Variants in DOHH observed in about 807,000 individuals in gnomAD.
DOHH encodes the protein HEAT-like (PBS lyase) repeat containing 1.
Under a neutral mutation model 19.9 loss-of-function variants are expected in DOHH, and 16 were observed. That is an observed-to-expected ratio of 0.80 (90% CI 0.54 to 1.22). The LOEUF (loss-of-function observed/expected upper bound fraction) is 1.22. DOHH is among the 50% of genes most tolerant of loss of function. The pLI is 0.00. For missense variants in DOHH, 460 were observed against 460.6 expected, an observed-to-expected ratio of 1.00 and a Z score of 0.01; for synonymous variants, 233 against 217.0, an observed-to-expected ratio of 1.07 and a Z score of -0.65.
chr19:3,496,911 G>A lies in DOHH; in HGVS notation c.-72-25C>T. 2.2e-6 allele frequency: 3 copies of A among 1,363,428 alleles called. No homozygotes were observed. Among genetic ancestry groups the A allele is most frequent in the East Asian group, 2.6e-5 (1 of 38,206 alleles). The allele number at this position is 1,363,428 out of a possible 1,614,324, so 84.5% of individuals were successfully genotyped here. Reference sequence around the variant, plus strand: ...CCTGTGGCAGAAAAATGAGAGCCCAGGTTAGAAGCCCCCTTCACCAGTGCG... The same window carrying A: ...CCTGTGGCAGAAAAATGAGAGCCCAAGTTAGAAGCCCCCTTCACCAGTGCG... On this transcript the variant is annotated intron_variant, in intron 1 of 4. Transcript: ENST00000427575. The surrounding 1 kb of genome is among the most constrained non-coding windows in gnomAD (Gnocchi z 4.8).
chr19:3,496,987 C>T lies in DOHH; in HGVS notation c.-72-101G>A, dbSNP rs1180369166. ...GGCAAATTCCTACCCACTGACCAACCTGAGCATCTACGCTGAAAGCTCAGC... is the reference window on the plus strand; with the variant it reads ...GGCAAATTCCTACCCACTGACCAACTTGAGCATCTACGCTGAAAGCTCAGC... On this transcript the variant is annotated intron_variant, in intron 1 of 4. Transcript: ENST00000427575. The surrounding 1 kb of genome is among the most constrained non-coding windows in gnomAD (Gnocchi z 4.8). 8 of 776,382 alleles carry T rather than the reference C, an allele frequency of 1.0e-5. 1 individual carries two copies. The South Asian group carries it at 3.7e-4, about 35-fold the overall frequency. 48.1% of individuals were successfully genotyped at this position (776,382 alleles called of 1,614,324 possible).
chr19:3,492,085 C>T (rs1311626636), intron 4 of DOHH, among the ~76,000 whole-genome samples, 177 bp downstream of exon 4: 2 of 152,196 alleles, frequency 1.3e-5, no homozygotes, highest in East Asian at 3.9e-4. Flanking sequence ...AAGCTGGGAG[C>T]TATGGGGACC....
chr19:3,492,513 G>T lies in DOHH; in HGVS notation c.352-14C>A, dbSNP rs1428088218. On this transcript the variant is annotated splice_polypyrimidine_tract_variant and intron_variant, in intron 3 of 4. Transcript: ENST00000427575. ...GGTCTCGGCCACCTGCGGGGAGGGG[G>T]TATCAGGCAGCGGGTTGGCCCTGGG... The T allele has an allele frequency of 2.9e-6, 4 of 1,374,156 alleles. No homozygotes were observed. Among genetic ancestry groups the T allele is most frequent in the African/African-American group, 3.1e-5 (2 of 65,350 alleles). 85.1% of individuals were successfully genotyped at this position (1,374,156 alleles called of 1,614,324 possible). A position where few individuals can be genotyped will look rare whatever the true frequency, so the allele number is the denominator to read the frequency against.
At chr19:3,495,058 C>G (rs573342113) in intron 2 of DOHH, among the ~76,000 whole-genome samples, 26 of 152,212 alleles carry the variant, frequency 1.7e-4, no homozygotes, top group African/African-American at 5.3e-4. Flanking sequence ...CTGAAAACTC[C>G]GCCTCCTGGG....
In DOHH at chr19:3,491,172, GATCCTCCCCTGGCTTCCCTCGCA is replaced by G. The variant is rs1280778708; in HGVS notation, c.*297_*319del. The G allele has an allele frequency of 3.1e-4, 131 of 422,954 alleles. No individual in the cohort carries two copies. The highest frequency in any genetic ancestry group is 2.2e-3 in the African/African-American group (100 of 45,898). 26.2% of individuals were successfully genotyped at this position (422,954 alleles called of 1,614,324 possible). A position where few individuals can be genotyped will look rare whatever the true frequency, so the allele number is the denominator to read the frequency against. ...GCGATCCTCCCCTGGCTTCCCTCGC[GATCCTCCCCTGGCTTCCCTCGCA>G]ATCCTCCCCTGTCCTGAGCCGGGCA... On this transcript the variant is annotated 3_prime_UTR_variant, in exon 5 of 5. Transcript: ENST00000427575. This position sits in a 1 kb window ranked among gnomAD's most constrained non-coding sequence, Gnocchi z 5.6.
intron 3 of DOHH, among the ~76,000 whole-genome samples, chr19:3,493,299 C>A (rs1194599067): frequency 5.3e-5 from 8 of 150,934 alleles, no homozygotes. Flanking sequence ...AAAGAAAAAA[C>A]TAATAAAATA....
In DOHH at chr19:3,496,967, AT is replaced by A; in HGVS notation, c.-72-82del. The A allele has an allele frequency of 9.7e-7, 1 of 1,027,310 alleles. No homozygotes were observed. The allele number at this position is 1,027,310 out of a possible 1,614,324, so 63.6% of individuals were successfully genotyped here. A position where few individuals can be genotyped will look rare whatever the true frequency, so the allele number is the denominator to read the frequency against. On this transcript the variant is annotated intron_variant, in intron 1 of 4. Coordinates refer to ENST00000427575, the MANE Select transcript of DOHH (RefSeq NM_001145165.2). This position sits in a 1 kb window ranked among gnomAD's most constrained non-coding sequence, Gnocchi z 4.8. Reference sequence around the variant, plus strand: ...TGTTCCTAGGACCTGGGTGGGGCAAATTCCTACCCACTGACCAACCTGAGCA... The same window carrying A: ...TGTTCCTAGGACCTGGGTGGGGCAAATCCTACCCACTGACCAACCTGAGCA...
chr19:3,492,405 G>C lies in DOHH; in HGVS notation c.446C>G (p.Pro149Arg), dbSNP rs778757736. Reference sequence around the variant, plus strand: ...GTCACGCTCCTCAGCCGGCGGGGCAGGGTCCACGGAGAGGTAGGGTCCCGC... The same window carrying C: ...GTCACGCTCCTCAGCCGGCGGGGCACGGTCCACGGAGAGGTAGGGTCCCGC... ...PAAGPYLSVD[P>R]APPAEERDVG... Residue 149 changes from proline (P) to arginine (R), a missense_variant, in exon 4 of 5, where the codon CCT (proline) becomes CGT (arginine). Pro to Arg is a moderately radical substitution (Grantham distance 103). Transcript: ENST00000427575. The C allele has an allele frequency of 5.4e-5, 82 of 1,526,644 alleles. No homozygotes were observed. Among genetic ancestry groups the C allele is most frequent in the Non-Finnish European group, 6.5e-5 (74 of 1,143,710 alleles). 94.6% of individuals were successfully genotyped at this position (1,526,644 alleles called of 1,614,324 possible). A position where few individuals can be genotyped will look rare whatever the true frequency, so the allele number is the denominator to read the frequency against.
chr19:3,493,194 CT>C (rs1330310306), intron 3 of DOHH, among the ~76,000 whole-genome samples: 1 of 152,258 alleles, frequency 6.6e-6, no homozygotes, highest in Non-Finnish European at 1.5e-5. Flanking sequence ...GCTCATGCCC[CT>C]AATCCCAGCA....
At position 3,492,259 on chromosome 19, in the gene DOHH, C is replaced by T. The variant is rs761254210; in HGVS notation, c.589+3G>A. On this transcript the variant is annotated splice_donor_region_variant and intron_variant, in intron 4 of 4. Coordinates refer to ENST00000427575, the MANE Select transcript of DOHH (RefSeq NM_001145165.2). Reference sequence around the variant, plus strand: ...GGACCCCACCCCAGAAGCCCCTCCTCACCCTCGGCCAGCGCCAGGGCGGCC... The same window carrying T: ...GGACCCCACCCCAGAAGCCCCTCCTTACCCTCGGCCAGCGCCAGGGCGGCC... 3.4e-6 allele frequency: 5 copies of T among 1,457,506 alleles called. No homozygotes were observed. Among genetic ancestry groups the T allele is most frequent in the Non-Finnish European group, 4.5e-6 (5 of 1,115,076 alleles). The allele number at this position is 1,457,506 out of a possible 1,614,324, so 90.3% of individuals were successfully genotyped here.
At chr19:3,499,152 TAGC>T (rs2082931128) in intron 1 of DOHH, among the ~76,000 whole-genome samples, 1 of 152,138 alleles carries the variant, frequency 6.6e-6, no homozygotes, top group Non-Finnish European at 1.5e-5. Context: ...CCATGAGAAA[TAGC>T]AGCCCGACCC....
In DOHH at chr19:3,490,996, T is replaced by G. The variant is rs558495945; in HGVS notation, c.*496A>C. On this transcript the variant is annotated 3_prime_UTR_variant, in exon 5 of 5. Transcript: ENST00000427575. The stretch of plus-strand genomic sequence containing the variant: ...CCCTGTGTCCCATTCCTAGTGAAGC[T>G]GAAGCCACCATAACGTCAGCCTCTT... The G allele has an allele frequency of 1.0e-5, 2 of 192,788 alleles. No homozygotes were observed. Among genetic ancestry groups the G allele is most frequent in the South Asian group, 1.7e-4 (2 of 11,752 alleles). 11.9% of individuals were successfully genotyped at this position (192,788 alleles called of 1,614,324 possible). A position where few individuals can be genotyped will look rare whatever the true frequency, so the allele number is the denominator to read the frequency against.
chr19:3,497,409 C>A (rs974511397), intron 1 of DOHH, among the ~76,000 whole-genome samples: 1 of 152,244 alleles, frequency 6.6e-6, no homozygotes, highest in East Asian at 1.9e-4. Flanking sequence ...TTTGTAGGGG[C>A]CCACGTGGCA....
Position 3,496,572 on chromosome 19 carries a change from G to A in DOHH, c.243C>T (p.Thr81=), listed in dbSNP as rs780942308. 140 of 1,613,534 alleles carry A rather than the reference G, an allele frequency of 8.7e-5. 6 individuals are homozygous for A. The South Asian group carries it at 1.5e-3, about 17-fold the overall frequency. ...IPMLVDVLQD[T]RQEPMVRHEA... is the part of the protein sequence containing the mutation. ...CATGGCGCACCATGGGCTCCTGACG[G>A]GTGTCTTGCAGCACGTCCACCAGCA... The change falls in exon 2 of 5, where the codon ACC becomes ACT. Residue 81 remains threonine (T), a synonymous_variant. Transcript: ENST00000427575. The surrounding 1 kb of genome is among the most constrained non-coding windows in gnomAD (Gnocchi z 4.8).
At chr19:3,497,517 C>T (rs1055149370) in intron 1 of DOHH, among the ~76,000 whole-genome samples, 1 of 152,234 alleles carries the variant, frequency 6.6e-6, no homozygotes, top group Non-Finnish European at 1.5e-5. Flanking sequence ...AGCCCCAGAG[C>T]GTCTCCACTG....
chr19:3,491,285 G>C lies in DOHH; in HGVS notation c.*207C>G. 2 of 611,330 alleles carry C rather than the reference G, an allele frequency of 3.3e-6. No homozygotes were observed. The allele number at this position is 611,330 out of a possible 1,614,324, so 37.9% of individuals were successfully genotyped here. A position where few individuals can be genotyped will look rare whatever the true frequency, so the allele number is the denominator to read the frequency against. ...ACTTCCACGCTACAGCCCTGCGCCA[G>C]GCCCCGAGGAGCAGTCAGGGGACTC... On this transcript the variant is annotated 3_prime_UTR_variant, in exon 5 of 5. Transcript: ENST00000427575. This position sits in a 1 kb window ranked among gnomAD's most constrained non-coding sequence, Gnocchi z 5.6.
chr19:3,494,033 T>G lies in DOHH; in HGVS notation c.346A>C (p.Ile116Leu), dbSNP rs199800462. 6.9e-5 allele frequency: 111 copies of G among 1,613,136 alleles called. 1 individual carries two copies. Among genetic ancestry groups the G allele is most frequent in the Non-Finnish European group, 7.0e-5 (83 of 1,179,466 alleles). The change falls in exon 3 of 5, where the codon ATC becomes CTC. Residue 116 changes from isoleucine to leucine, a missense_variant. By Grantham distance (5) the Ile-to-Leu change is conservative (BLOSUM62 2). Coordinates refer to ENST00000427575, the MANE Select transcript of DOHH (RefSeq NM_001145165.2). ...ILKQYSSDPV[I>L]EVAETCQLAV... ...ACAAGCAGGGGCCTGGTTACCTCGA[T>G]GACGGGGTCCGAGGAATACTGCTTC...
At position 3,491,693 on chromosome 19, in the gene DOHH, G is replaced by A. The variant is rs1416690932; in HGVS notation, c.708C>T (p.Pro236=). Residue 236 remains proline (P), a synonymous_variant, in exon 5 of 5, where the codon CCC becomes CCT. Coordinates refer to ENST00000427575, the MANE Select transcript of DOHH (RefSeq NM_001145165.2). This position sits in a 1 kb window ranked among gnomAD's most constrained non-coding sequence, Gnocchi z 5.6. Reference sequence around the variant, plus strand: ...CCTCCGCGCACTCGTGCCGCACCATGGGGTTCTCGGTGCATCGGGCCAGGG... The same window carrying A: ...CCTCCGCGCACTCGTGCCGCACCATAGGGTTCTCGGTGCATCGGGCCAGGG... The part of the protein sequence containing the change: ...AAALARCTEN[P]MVRHECAEAL... 6.5e-7 allele frequency: 1 copy of A among 1,530,650 alleles called. No homozygotes were observed. Among genetic ancestry groups the A allele is most frequent in the Admixed American group, 2.1e-5 (1 of 47,844 alleles). The allele number at this position is 1,530,650 out of a possible 1,614,324, so 94.8% of individuals were successfully genotyped here.
rs1383931842 is a variant in DOHH at position 3,491,072 on chromosome 19, CCCCTCGCGATCCTCCCTTGGCTT to C, written c.*397_*419del. On this transcript the variant is annotated 3_prime_UTR_variant, in exon 5 of 5. Coordinates refer to ENST00000427575, the MANE Select transcript of DOHH (RefSeq NM_001145165.2). This position sits in a 1 kb window ranked among gnomAD's most constrained non-coding sequence, Gnocchi z 5.6. ...CTTCCCTCGCGATCCTCCCCTGGCT[CCCCTCGCGATCCTCCCTTGGCTT>C]CCCTCGCGATCCTCCCCTGGCTTCC... The C allele has an allele frequency of 0.018, 3,939 of 213,160 alleles. 24 individuals are homozygous for C. Among genetic ancestry groups the C allele is most frequent in the African/African-American group, 0.033 (1,159 of 35,328 alleles). The allele number at this position is 213,160 out of a possible 1,614,324, so 13.2% of individuals were successfully genotyped here. A position where few individuals can be genotyped will look rare whatever the true frequency, so the allele number is the denominator to read the frequency against.
Sources: gnomAD v4.1 joint callset for allele counts (sites outside exome capture counted in the v4.1 genomes callset) on GRCh38, gnomAD v4.1.1 for gene constraint, Gnocchi (gnomAD v3.1) non-coding constraint, MANE v1.5 for transcripts, NCBI Gene and HGNC (gene_info 2026-07-23, HGNC 2026-07-21) for gene names.